The following UBN2 variants were observed in gnomAD, a reference collection of about 807,000 sequenced individuals.
The protein encoded by UBN2 is ubinuclein-2.
UBN2 carries 35 observed loss-of-function variants against 120.2 expected under a neutral mutation model. The observed-to-expected ratio is 0.29, with a 90% confidence interval of 0.22 to 0.39. The LOEUF (loss-of-function observed/expected upper bound fraction) is 0.39. Among genes scored for constraint, UBN2 ranks in the 10% least tolerant of loss-of-function variants. The pLI, the probability that UBN2 is intolerant of heterozygous loss-of-function variation, is 1.00. For synonymous variants in UBN2, 661 were observed against 648.7 expected (o/e 1.02, Z -0.29); for missense variants, 1,693 against 1,663.2 (o/e 1.02, Z -0.31).
chr7:139,294,121 T>C, intron 17 of UBN2, 140 bp downstream of exon 17: 1 of 746,746 alleles, frequency 1.3e-6, no homozygotes, highest in Non-Finnish European at 2.2e-6. Flanking sequence ...CATTCCTCAT[T>C]AGCAACAGAT....
downstream of UBN2, among the ~76,000 whole-genome samples, chr7:139,309,438 A>C (rs1345810963): frequency 6.6e-6 from 1 of 152,248 alleles, no homozygotes; most frequent in Non-Finnish European, 1.5e-5. Context: ...AGTACTCCTC[A>C]AGATGATTTT....
At position 139,259,148 on chromosome 7, in the gene UBN2, A is replaced by T. The variant is rs528983921; in HGVS notation, c.802-119A>T. On this transcript the variant is annotated intron_variant, in intron 4 of 17. Transcript: ENST00000473989. Reference sequence around the variant, plus strand: ...TGAACCCCAAGGATCTGCAGTTATAACAAACGATTGTAATGCACACTGACA... The same window carrying T: ...TGAACCCCAAGGATCTGCAGTTATATCAAACGATTGTAATGCACACTGACA... 2.6e-3 allele frequency: 3,711 copies of T among 1,437,410 alleles called. 18 individuals carry two copies. The highest frequency in any genetic ancestry group is 2.5e-3 in the Non-Finnish European group (2,738 of 1,083,430). The allele number at this position is 1,437,410 out of a possible 1,614,324, so 89.0% of individuals were successfully genotyped here.
chr7:139,285,686 G>T (rs757157036), intron 15 of UBN2, among the ~76,000 whole-genome samples: 1 of 151,964 alleles, frequency 6.6e-6, no homozygotes, highest in African/African-American at 2.4e-5. Context: ...TTATGTGTCT[G>T]ATTACTGTTT....
At chr7:139,285,893 C>T (rs1797772869) in intron 15 of UBN2, among the ~76,000 whole-genome samples, 2 of 151,984 alleles carry the variant, frequency 1.3e-5, no homozygotes, top group Admixed American at 1.3e-4. Flanking sequence ...CAGGCACCCG[C>T]CACCATGCCT....
In UBN2 at chr7:139,231,897, A is replaced by C. The variant is rs760932460; in HGVS notation, c.413A>C (p.Asp138Ala). 3.0e-5 allele frequency: 48 copies of C among 1,587,898 alleles called. No homozygotes were observed. The highest frequency in any genetic ancestry group is 4.0e-5 in the Non-Finnish European group (47 of 1,172,954). ...RLELVLKDPTDESCVEFSYPE... is the reference protein window; with the variant it reads ...RLELVLKDPTAESCVEFSYPE... ...GAGCTGGTGCTTAAGGACCCCACCG[A>C]CGAGAGCTGCGTGGAGTTCAGTTAC... The change falls in exon 1 of 18, where the codon GAC becomes GCC. Residue 138 changes from aspartate (D) to alanine (A), a missense_variant. Physicochemically the swap from Asp to Ala is moderately radical, Grantham distance 126. Coordinates refer to ENST00000473989, the MANE Select transcript of UBN2 (RefSeq NM_173569.4).
chr7:139,251,705 C>G (rs774604407), intron 2 of UBN2, among the ~76,000 whole-genome samples: 5 of 152,170 alleles, frequency 3.3e-5, no homozygotes, highest in Non-Finnish European at 7.3e-5. Flanking sequence ...TCCCTGTTGA[C>G]GTTGACTGTA....
Position 139,284,029 on chromosome 7 carries a change from T to C in UBN2, c.3124T>C (p.Ser1042Pro), listed in dbSNP as rs765011485. 6.2e-7 allele frequency: 1 copy of C among 1,613,840 alleles called. No homozygotes were observed. The highest frequency in any genetic ancestry group is 8.5e-7 in the Non-Finnish European group (1 of 1,179,918). The change falls in exon 15 of 18, where the codon TCT (serine) becomes CCT (proline). Residue 1042 changes from serine to proline, a missense_variant. Physicochemically the swap from Ser to Pro is moderately conservative, Grantham distance 74. Coordinates refer to ENST00000473989, the MANE Select transcript of UBN2 (RefSeq NM_173569.4). The stretch of plus-strand genomic sequence containing the variant: ...GGCTGCCTCCCCAAAACTTGCCGCA[T>C]CTCCCAAGCCTGCCACATCTCCTAA... ...SMAASPKLAA[S>P]PKPATSPKPL...
At chr7:139,322,084 T>C in the UBN2 span, among the ~76,000 whole-genome samples, 1 of 151,994 alleles carries the variant, frequency 6.6e-6, no homozygotes, top group Admixed American at 6.6e-5. Flanking sequence ...AGTGATACTC[T>C]TGCCTCAGCC....
At position 139,293,382 on chromosome 7, in the gene UBN2, T is replaced by C. The variant is rs200840680; in HGVS notation, c.3820T>C (p.Phe1274Leu). The C allele has an allele frequency of 1.1e-4, 176 of 1,614,120 alleles. No individual in the cohort carries two copies. The highest frequency in any genetic ancestry group is 2.2e-5 in the East Asian group (1 of 44,882). Residue 1274 changes from phenylalanine to leucine, a missense_variant, in exon 16 of 18, where the codon TTT becomes CTT. By Grantham distance (22) the Phe-to-Leu change is conservative (BLOSUM62 0). Coordinates refer to ENST00000473989, the MANE Select transcript of UBN2 (RefSeq NM_173569.4). The stretch of plus-strand genomic sequence containing the variant: ...GCCCTTCCAGTTTCCCTTGGAGATA[T>C]TTGGCTTTGGAACGGACACAGCTGG... ...TMPFQFPLEIFGFGTDTAGVT... is the reference protein window; with the variant it reads ...TMPFQFPLEILGFGTDTAGVT...
chr7:139,235,579 G>A (rs1038111859), intron 1 of UBN2, among the ~76,000 whole-genome samples: 14 of 152,040 alleles, frequency 9.2e-5, no homozygotes, highest in Non-Finnish European at 8.8e-5. Flanking sequence ...GCTAGTTTTT[G>A]TATTTTTGGT....
At chr7:139,288,741 T>C (rs1797859653) in intron 15 of UBN2, among the ~76,000 whole-genome samples, 1 of 152,180 alleles carries the variant, frequency 6.6e-6, no homozygotes, top group Non-Finnish European at 1.5e-5. Context: ...TGGTGGCTCA[T>C]GCCTGTAAAC....
In UBN2 at chr7:139,283,945, T is replaced by A. The variant is rs1797693732; in HGVS notation, c.3040T>A (p.Leu1014Ile). ...VPSTTTSSNYLAKAMVSQIST... is the reference protein window; with the variant it reads ...VPSTTTSSNYIAKAMVSQIST... ...TAGCACCACTACCTCCAGTAACTAT[T>A]TAGCCAAGGCTATGGTGTCACAGAT... is the stretch of plus-strand genomic sequence containing the variant. Residue 1014 changes from leucine (L) to isoleucine (I), a missense_variant, in exon 15 of 18, where the codon TTA (leucine) becomes ATA (isoleucine). Physicochemically the swap from Leu to Ile is conservative, Grantham distance 5. This residue lies in a region of UBN2 where 837 missense variants were observed against 817.6 expected (regional missense o/e 1.02). Coordinates refer to ENST00000473989, the MANE Select transcript of UBN2 (RefSeq NM_173569.4). The A allele has an allele frequency of 6.2e-7, 1 of 1,613,894 alleles. No homozygotes were observed.
At chr7:139,247,719 C>G (rs1796509206) in intron 2 of UBN2, among the ~76,000 whole-genome samples, 1 of 152,122 alleles carries the variant, frequency 6.6e-6, no homozygotes, top group Admixed American at 6.6e-5. Flanking sequence ...TCTTGCAAAT[C>G]TGAGCATTTT....
At chr7:139,250,714 A>C (rs953554633) in intron 2 of UBN2, among the ~76,000 whole-genome samples, 6 of 152,180 alleles carry the variant, frequency 3.9e-5, no homozygotes, top group Admixed American at 1.3e-4. Context: ...CAACTAGATA[A>C]TAGATCTTAA....
intron 1 of UBN2, 72 bp downstream of exon 1, chr7:139,232,024 G>A: frequency 6.7e-7 from 1 of 1,482,092 alleles, no homozygotes; most frequent in Non-Finnish European, 9.1e-7. Flanking sequence ...CAGCTGGTTT[G>A]CACCTTGGGA....
Position 139,301,671 on chromosome 7 carries a change from G to A in UBN2, c.*3835G>A, listed in dbSNP as rs1319109215. ...TTTGTTGTTTTTATTATTTAGGTTT[G>A]GAATTTGTTTGCTTTTTTTTTGTTT... On this transcript the variant is annotated 3_prime_UTR_variant, in exon 18 of 18. Coordinates refer to ENST00000473989, the MANE Select transcript of UBN2 (RefSeq NM_173569.4). 6.6e-6 allele frequency: 1 copy of A among 151,634 alleles called. No homozygotes were observed. Among genetic ancestry groups the A allele is most frequent in the African/African-American group, 2.4e-5 (1 of 41,284 alleles). 9.4% of individuals were successfully genotyped at this position (151,634 alleles called of 1,614,324 possible). A position where few individuals can be genotyped will look rare whatever the true frequency, so the allele number is the denominator to read the frequency against.
the UBN2 span, among the ~76,000 whole-genome samples, chr7:139,314,458 CA>C: frequency 4.7e-4 from 71 of 151,168 alleles, no homozygotes; most frequent in African/African-American, 1.7e-3. Context: ...AACTCCATCT[CA>C]AAAAAAGAAG....
chr7:139,284,921 T>C (rs1019331799), intron 15 of UBN2, among the ~76,000 whole-genome samples: 3 of 152,222 alleles, frequency 2.0e-5, no homozygotes, highest in South Asian at 2.1e-4. Flanking sequence ...TTCTCTCTTA[T>C]CAAAGTCCAG....
chr7:139,276,392 TCAGGGATTTTC>T (rs775568519), intron 12 of UBN2: 88 of 480,690 alleles, frequency 1.8e-4, no homozygotes, highest in Non-Finnish European at 3.0e-5. Context: ...GCATGAAGGC[TCAGGGATTTTC>T]CTTTGTTCCT....
Sources: allele counts gnomAD v4.1 joint callset (sites outside exome capture counted in the v4.1 genomes callset), GRCh38; gene constraint gnomAD v4.1.1; regional missense constraint gnomAD v4.1.1; transcripts MANE v1.5; gene names NCBI Gene and HGNC (gene_info 2026-07-23, HGNC 2026-07-21).